Variants in COG3 observed in about 807,000 individuals in gnomAD.
COG3 encodes the protein component of oligomeric golgi complex 3.
Under a neutral mutation model 114.1 loss-of-function variants are expected in COG3, and 32 were observed. The ratio of observed to expected loss-of-function variants is 0.28; its 90% confidence interval spans 0.21 to 0.38. COG3 has a LOEUF of 0.38. COG3 is among the 10% of genes least tolerant of loss of function. COG3 has a pLI of 1.00. For synonymous variants in COG3, 352 were observed against 365.7 expected, an observed-to-expected ratio of 0.96 and a Z score of 0.43; for missense variants, 813 against 973.2, an observed-to-expected ratio of 0.84 and a Z score of 2.19.
chr13:45,530,191 A>G (rs565502729), intron 21 of COG3, among the ~76,000 whole-genome samples: 18 of 152,306 alleles, frequency 1.2e-4, no homozygotes, highest in African/African-American at 4.3e-4. Context: ...CTTACATTGC[A>G]TGTGGCCCAG....
At chr13:45,468,700 T>TAA (rs1885293965) in intron 1 of COG3, among the ~76,000 whole-genome samples, 1 of 152,250 alleles carries the variant, frequency 6.6e-6, no homozygotes, top group African/African-American at 2.4e-5. Context: ...TTATTGTACT[T>TAA]ACTATTTAAT....
intron 16 of COG3, among the ~76,000 whole-genome samples, chr13:45,515,445 G>A (rs1346234828): frequency 6.6e-6 from 1 of 152,174 alleles, no homozygotes; most frequent in African/African-American, 2.4e-5. Flanking sequence ...AGCAAATACA[G>A]CCTTGCTCTT....
Position 45,516,219 on chromosome 13 carries a change from A to C in COG3, c.1886A>C (p.Glu629Ala), listed in dbSNP as rs1256409680. Residue 629 changes from glutamate to alanine, a missense_variant, in exon 17 of 23, where the codon GAA (glutamate) becomes GCA (alanine). Glu to Ala is a moderately radical substitution (Grantham distance 107). Around this residue, in one of 2 missense-constraint regions of COG3, gnomAD observed 389 missense variants for 542.6 expected, o/e 0.72. Transcript: ENST00000349995. ...LREQIAPFHT[E>A]FTIKEISLDL... ...GAACAAATTGCTCCATTTCACACTGAATTCACCATTAAGGAAATTTCCCTG... is the reference window on the plus strand; with the variant it reads ...GAACAAATTGCTCCATTTCACACTGCATTCACCATTAAGGAAATTTCCCTG... 1 of 1,600,666 alleles carries C rather than the reference A, an allele frequency of 6.2e-7. No homozygotes were observed. Among genetic ancestry groups the C allele is most frequent in the Admixed American group, 1.7e-5 (1 of 59,560 alleles).
intron 13 of COG3, among the ~76,000 whole-genome samples, chr13:45,499,953 G>T (rs1869270453): frequency 6.6e-6 from 1 of 152,040 alleles, no homozygotes; most frequent in African/African-American, 2.4e-5. Flanking sequence ...GGGAGATGGA[G>T]GCTGGGGTGA....
intron 1 of COG3, among the ~76,000 whole-genome samples, chr13:45,474,022 C>T (rs1311570523): frequency 6.6e-6 from 1 of 152,164 alleles, no homozygotes; most frequent in Non-Finnish European, 1.5e-5. Context: ...CACCTAGGAC[C>T]CTCCTGACTC....
intron 7 of COG3, among the ~76,000 whole-genome samples, chr13:45,484,599 TA>T (rs1191976603): frequency 6.6e-6 from 1 of 151,296 alleles, no homozygotes; most frequent in Admixed American, 6.6e-5. Flanking sequence ...TTTATTTATT[TA>T]TTTATTTATT....
chr13:45,530,564 TATC>T (rs1438915693), intron 21 of COG3, 115 bp from the exon 22 acceptor site: 3 of 672,620 alleles, frequency 4.5e-6, no homozygotes, highest in Non-Finnish European at 5.4e-6. Context: ...TCTTTGGTAA[TATC>T]ATGAAAGATA....
intron 16 of COG3, 176 bp downstream of exon 16, chr13:45,512,030 G>C (rs973395193): frequency 1.7e-5 from 10 of 585,542 alleles, no homozygotes; most frequent in African/African-American, 1.7e-4. Context: ...AATAAAGACT[G>C]TACTATATAA....
chr13:45,472,563 G>A (rs1330452820), intron 1 of COG3, among the ~76,000 whole-genome samples: 2 of 151,910 alleles, frequency 1.3e-5, no homozygotes, highest in Admixed American at 1.3e-4. Context: ...GATTCATTTT[G>A]GGTGATTTTT....
At position 45,478,881 on chromosome 13, in the gene COG3, T is replaced by C. The variant is rs1886078558; in HGVS notation, c.322-124T>C. The C allele has an allele frequency of 1.2e-5, 8 of 686,574 alleles. No homozygotes were observed. In the South Asian group the frequency reaches 1.3e-4, roughly 11 times the overall value. The allele number at this position is 686,574 out of a possible 1,614,324, so 42.5% of individuals were successfully genotyped here. ...TTTTCTCCTGGCCTAAAACTGATTATGTCTGAGCCCTAAGCAATAAAACTT... is the reference window on the plus strand; with the variant it reads ...TTTTCTCCTGGCCTAAAACTGATTACGTCTGAGCCCTAAGCAATAAAACTT... On this transcript the variant is annotated intron_variant, in intron 2 of 22. Transcript: ENST00000349995.
rs370820983 is a variant in COG3 at position 45,509,833 on chromosome 13, T to C, written c.1719+17T>C. The C allele has an allele frequency of 5.7e-6, 9 of 1,569,944 alleles. No individual in the cohort carries two copies. Among genetic ancestry groups the C allele is most frequent in the Non-Finnish European group, 7.8e-6 (9 of 1,150,514 alleles). On this transcript the variant is annotated intron_variant, in intron 15 of 22. Transcript: ENST00000349995. Reference sequence around the variant, plus strand: ...TGCATAGATGTACGTGTATCTTTACTGTGAATTGCTCGTTCTTTCACTTGA... The same window carrying C: ...TGCATAGATGTACGTGTATCTTTACCGTGAATTGCTCGTTCTTTCACTTGA...
In COG3 at chr13:45,534,800, C is replaced by T. The variant is rs186455445; in HGVS notation, c.*69C>T. 5.0e-5 allele frequency: 76 copies of T among 1,507,930 alleles called. No homozygotes were observed. The highest frequency in any genetic ancestry group is 8.9e-6 in the Non-Finnish European group (10 of 1,129,822). The allele number at this position is 1,507,930 out of a possible 1,614,324, so 93.4% of individuals were successfully genotyped here. A position where few individuals can be genotyped will look rare whatever the true frequency, so the allele number is the denominator to read the frequency against. ...GCAGGCTGAGAAGTCTTGCAGTCTG[C>T]AGGACACCGAGGAATCGTATGTGGG... On this transcript the variant is annotated 3_prime_UTR_variant, in exon 23 of 23. Coordinates refer to ENST00000349995, the MANE Select transcript of COG3 (RefSeq NM_031431.4).
chr13:45,516,047 C>T, intron 16 of COG3, 96 bp from the exon 17 acceptor site: 3 of 872,230 alleles, frequency 3.4e-6, no homozygotes, highest in Non-Finnish European at 4.8e-6. Context: ...AGGCTGTAAA[C>T]CTAGGTAGAT....
chr13:45,500,017 TAAAA>T (rs71999241), intron 13 of COG3, among the ~76,000 whole-genome samples: 6 of 147,938 alleles, frequency 4.1e-5, no homozygotes, highest in African/African-American at 1.5e-4. Context: ...GACACTGCCT[TAAAA>T]AAAAATATAT....
intron 13 of COG3, among the ~76,000 whole-genome samples, chr13:45,502,578 G>C (rs889557269): frequency 6.6e-6 from 1 of 152,112 alleles, no homozygotes; most frequent in Non-Finnish European, 1.5e-5. Flanking sequence ...GAGTGGACTG[G>C]CCTATGTGGT....
Position 45,509,754 on chromosome 13 carries a change from A to G in COG3, c.1657A>G (p.Met553Val). ...TTISPADLHG[M>V]WYPTVRRTLV... ...AATTTCTCCAGCAGATCTTCATGGAATGTGGTATCCTACGGTTCGAAGAAC... is the reference window on the plus strand; with the variant it reads ...AATTTCTCCAGCAGATCTTCATGGAGTGTGGTATCCTACGGTTCGAAGAAC... The change falls in exon 15 of 23, where the codon ATG becomes GTG. Residue 553 changes from methionine to valine, a missense_variant. Around this residue, in one of 2 missense-constraint regions of COG3, gnomAD observed 389 missense variants for 542.6 expected, o/e 0.72. Transcript: ENST00000349995. 3.7e-6 allele frequency: 6 copies of G among 1,613,994 alleles called. No individual in the cohort carries two copies. Among genetic ancestry groups the G allele is most frequent in the Non-Finnish European group, 5.1e-6 (6 of 1,179,842 alleles).
intron 13 of COG3, among the ~76,000 whole-genome samples, 189 bp from the exon 14 acceptor site, chr13:45,503,055 C>T (rs1367763766): frequency 6.6e-6 from 1 of 152,064 alleles, no homozygotes; most frequent in Admixed American, 6.6e-5. Context: ...AAGCAAAAAC[C>T]TGTTATTTGG....
intron 22 of COG3, among the ~76,000 whole-genome samples, chr13:45,532,709 A>G (rs1306500432): frequency 2.0e-5 from 3 of 151,688 alleles, no homozygotes; most frequent in African/African-American, 7.3e-5. Context: ...AGCTGGGACT[A>G]CAGGCCCCGC....
intron 16 of COG3, among the ~76,000 whole-genome samples, chr13:45,513,298 C>T (rs376557625): frequency 2.0e-3 from 58 of 29,238 alleles, no homozygotes; most frequent in Middle Eastern, 0.013. Flanking sequence ...ATAAATTATA[C>T]ATATAATATA....
Sources: allele counts gnomAD v4.1 joint callset (sites outside exome capture counted in the v4.1 genomes callset), GRCh38; gene constraint gnomAD v4.1.1; regional missense constraint gnomAD v4.1.1; transcripts MANE v1.5; gene names NCBI Gene and HGNC (gene_info 2026-07-23, HGNC 2026-07-21).